The following THAP2 variants were observed in gnomAD, a reference collection of about 807,000 sequenced individuals.
THAP2 encodes the protein THAP domain containing 2.
Under a neutral mutation model 18.8 loss-of-function variants are expected in THAP2, and 16 were observed. That is an observed-to-expected ratio of 0.85 (90% CI 0.58 to 1.29). The LOEUF (loss-of-function observed/expected upper bound fraction) is 1.29. Among genes scored for constraint, THAP2 ranks in the 50% most tolerant of loss-of-function variants. The pLI, the probability that THAP2 is intolerant of heterozygous loss-of-function variation, is 0.00. For synonymous variants in THAP2, 80 were observed against 89.2 expected, an observed-to-expected ratio of 0.90 and a Z score of 0.58; for missense variants, 251 against 265.3, an observed-to-expected ratio of 0.95 and a Z score of 0.38.
intron 1 of THAP2, chr12:71,665,009 A>G (rs1881307313): frequency 1.4e-6 from 1 of 701,772 alleles, no homozygotes; most frequent in African/African-American, 1.7e-5. Flanking sequence ...TAGATTTCTA[A>G]TAGTCACATA....
At chr12:71,664,805 C>T (rs901791438) in intron 1 of THAP2, 3 of 710,028 alleles carry the variant, frequency 4.2e-6, no homozygotes, top group Admixed American at 2.0e-5. Flanking sequence ...TTGGTCATTA[C>T]CCCTTAGTAA....
chr12:71,670,576 A>AT (rs1186690629), intron 1 of THAP2, among the ~76,000 whole-genome samples: 4 of 152,142 alleles, frequency 2.6e-5, no homozygotes, highest in Non-Finnish European at 4.4e-5. Flanking sequence ...ATCAACACAT[A>AT]TTTTTTATGT....
At chr12:71,669,783 C>T (rs999207587) in intron 1 of THAP2, among the ~76,000 whole-genome samples, 3 of 151,712 alleles carry the variant, frequency 2.0e-5, no homozygotes, top group Non-Finnish European at 4.4e-5. Context: ...TGGGAAACAC[C>T]GTCTCTACTA....
intron 2 of THAP2, 68 bp downstream of exon 2, chr12:71,674,466 A>G: frequency 1.4e-6 from 2 of 1,430,782 alleles, no homozygotes; most frequent in Non-Finnish European, 1.9e-6. Context: ...TTATGCAGTT[A>G]TTAACTGAAA....
At chr12:71,674,105 G>T (rs1881483528) in intron 1 of THAP2, 98 bp from the exon 2 acceptor site, 2 of 1,224,012 alleles carry the variant, frequency 1.6e-6, no homozygotes, top group East Asian at 2.6e-5. Flanking sequence ...TAGGTAAATG[G>T]GACACACTTT....
chr12:71,669,973 A>C (rs548163838), intron 1 of THAP2, among the ~76,000 whole-genome samples: 55 of 150,758 alleles, frequency 3.6e-4, no homozygotes, highest in South Asian at 1.7e-3. Flanking sequence ...AAAAAAAAAA[A>C]CTCTATTTTC....
At chr12:71,669,256 G>A (rs1220182115) in intron 1 of THAP2, among the ~76,000 whole-genome samples, 2 of 152,208 alleles carry the variant, frequency 1.3e-5, no homozygotes, top group African/African-American at 2.4e-5. Flanking sequence ...CAGTGCTATA[G>A]CGACATCTAA....
At chr12:71,665,431 TAAAA>T (rs1235115530) in intron 1 of THAP2, 3 of 155,294 alleles carry the variant, frequency 1.9e-5, no homozygotes, top group African/African-American at 4.8e-5. Context: ...AGCTGCCACT[TAAAA>T]AAAATCTTGT....
At position 71,664,405 on chromosome 12, in the gene THAP2, C is replaced by G. The variant is rs957679367; in HGVS notation, c.-105C>G. The G allele has an allele frequency of 4.2e-6, 6 of 1,429,032 alleles. No homozygotes were observed. The Admixed American group carries it at 8.4e-5, about 20-fold the overall frequency. The allele number at this position is 1,429,032 out of a possible 1,614,324, so 88.5% of individuals were successfully genotyped here. A position where few individuals can be genotyped will look rare whatever the true frequency, so the allele number is the denominator to read the frequency against. ...CTCCGCTCTCACGACTAAGCTCTCA[C>G]GATTAAGGCACGCCTGCCTCGATTG... On this transcript the variant is annotated 5_prime_UTR_variant, in exon 1 of 3. Coordinates refer to ENST00000308086, the MANE Select transcript of THAP2 (RefSeq NM_031435.4).
At chr12:71,669,793 A>G (rs1046362247) in intron 1 of THAP2, among the ~76,000 whole-genome samples, 6 of 151,908 alleles carry the variant, frequency 3.9e-5, no homozygotes, top group African/African-American at 1.5e-4. Context: ...CGTCTCTACT[A>G]AAAATATAGA....
At position 71,664,471 on chromosome 12, in the gene THAP2, A is replaced by G. The variant is rs780780965; in HGVS notation, c.-39A>G. 88 of 1,613,066 alleles carry G rather than the reference A, an allele frequency of 5.5e-5. No individual in the cohort carries two copies. Among genetic ancestry groups the G allele is most frequent in the Admixed American group, 8.3e-5 (5 of 60,012 alleles). On this transcript the variant is annotated 5_prime_UTR_variant, in exon 1 of 3. Transcript: ENST00000308086. Reference sequence around the variant, plus strand: ...AAGAAAGCTTAGCAGCCAGCGCCTCAGTAGAGACCTAAGGGCGCTGAATGA... The same window carrying G: ...AAGAAAGCTTAGCAGCCAGCGCCTCGGTAGAGACCTAAGGGCGCTGAATGA...
Position 71,677,291 on chromosome 12 carries a change from T to A in THAP2, c.*183T>A. The A allele has an allele frequency of 1.9e-6, 1 of 517,496 alleles. No individual in the cohort carries two copies. The highest frequency in any genetic ancestry group is 3.0e-6 in the Non-Finnish European group (1 of 328,278). The allele number at this position is 517,496 out of a possible 1,614,324, so 32.1% of individuals were successfully genotyped here. A position where few individuals can be genotyped will look rare whatever the true frequency, so the allele number is the denominator to read the frequency against. On this transcript the variant is annotated 3_prime_UTR_variant, in exon 3 of 3. Transcript: ENST00000308086. ...TATGGAAATTTTATTTGAAAATGAGTGGAAGTGCCTTACATTAGAATTACG... is the reference window on the plus strand; with the variant it reads ...TATGGAAATTTTATTTGAAAATGAGAGGAAGTGCCTTACATTAGAATTACG...
chr12:71,671,357 TACA>T lies in THAP2; in HGVS notation c.72-2843_72-2841del, dbSNP rs543357969. Among the ~76,000 whole-genome samples, 21 of 152,348 alleles carry T rather than the reference TACA, an allele frequency of 1.4e-4. No individual in the cohort carries two copies. The East Asian group carries it at 4.0e-3, about 29-fold the overall frequency. ...TCAATTTTTCTGGCATTGCTGCTTC[TACA>T]ACTTCTTCCTCATCATCTGGCAGTG... On this transcript the variant is annotated intron_variant, in intron 1 of 2. Transcript: ENST00000308086.
chr12:71,676,931 G>A lies in THAP2; in HGVS notation c.510G>A (p.Thr170=), dbSNP rs763097621. 1.2e-5 allele frequency: 19 copies of A among 1,613,668 alleles called. No individual in the cohort carries two copies. Among genetic ancestry groups the A allele is most frequent in the Non-Finnish European group, 1.0e-5 (12 of 1,179,734 alleles). The change falls in exon 3 of 3, where the codon ACG becomes ACA. Residue 170 remains threonine, a synonymous_variant. Transcript: ENST00000308086. The stretch of plus-strand genomic sequence containing the variant: ...CAACTCGAAGATGGATCAAAGCCAC[G>A]TGTTTGGTAAAGAATTTAGAAGCAA... ...RRATRRWIKA[T]CLVKNLEANS...
chr12:71,664,587 T>C lies in THAP2; in HGVS notation c.71+7T>C. ...TTAACATCAGCTTCCACAGGTAACC[T>C]GGGCAGGGAGTGGGGGTGACGGAAA... On this transcript the variant is annotated splice_region_variant and intron_variant, in intron 1 of 2. Coordinates refer to ENST00000308086, the MANE Select transcript of THAP2 (RefSeq NM_031435.4). 1.2e-6 allele frequency: 2 copies of C among 1,614,184 alleles called. No individual in the cohort carries two copies. The highest frequency in any genetic ancestry group is 1.7e-6 in the Non-Finnish European group (2 of 1,180,022).
At chr12:71,667,986 T>G (rs1881372106) in intron 1 of THAP2, 2 of 152,360 alleles carry the variant, frequency 1.3e-5, no homozygotes, top group Non-Finnish European at 2.9e-5. Flanking sequence ...TAATTGCAAC[T>G]TTATATTAGT....
chr12:71,670,950 A>G (rs943392790), intron 1 of THAP2, among the ~76,000 whole-genome samples: 1 of 151,624 alleles, frequency 6.6e-6, no homozygotes, highest in Non-Finnish European at 1.5e-5. Flanking sequence ...AAAAAAAAAA[A>G]AAAAATTAAG....
chr12:71,673,687 A>T (rs1014286775), intron 1 of THAP2, among the ~76,000 whole-genome samples: 1 of 152,152 alleles, frequency 6.6e-6, no homozygotes, highest in African/African-American at 2.4e-5. Flanking sequence ...AGAAATTTAT[A>T]ATCTTTATGT....
At chr12:71,676,120 T>G (rs1312080140) in intron 2 of THAP2, among the ~76,000 whole-genome samples, 1 of 151,962 alleles carries the variant, frequency 6.6e-6, no homozygotes, top group Non-Finnish European at 1.5e-5. Context: ...GCAAAAAAAG[T>G]CTCCTGATTT....
Sources: allele counts gnomAD v4.1 joint callset (sites outside exome capture counted in the v4.1 genomes callset), GRCh38; gene constraint gnomAD v4.1.1; transcripts MANE v1.5; gene names NCBI Gene and HGNC (gene_info 2026-07-23, HGNC 2026-07-21).